The following CHORDC1 variants were observed in gnomAD, a reference collection of about 807,000 sequenced individuals.
CHORDC1 encodes cysteine and histidine rich domain containing 1.
In CHORDC1, 25 loss-of-function variants were observed where a neutral mutation model predicts 48.3. The observed-to-expected ratio is 0.52, with a 90% CI of 0.38 to 0.72. The LOEUF (loss-of-function observed/expected upper bound fraction) is 0.72. Among genes scored for constraint, CHORDC1 ranks in the 30% least tolerant of loss-of-function variants. CHORDC1 has a pLI of 0.00. For missense variants in CHORDC1, 317 were observed against 388.7 expected (o/e 0.82, Z 1.55); for synonymous variants, 128 against 126.4 (o/e 1.01, Z -0.09).
At chr11:90,204,312 C>T (rs1857612833) in intron 8 of CHORDC1, among the ~76,000 whole-genome samples, 1 of 152,022 alleles carries the variant, frequency 6.6e-6, no homozygotes, top group Non-Finnish European at 1.5e-5. Flanking sequence ...AATTTTCAAA[C>T]TTTTGGACTA....
At chr11:90,209,432 C>G (rs1397563699) in intron 6 of CHORDC1, 1 of 152,172 alleles carries the variant, frequency 6.6e-6, no homozygotes, top group Non-Finnish European at 1.5e-5. Context: ...TCGGAACCAT[C>G]TGTACTTTCT....
chr11:90,202,904 C>A, intron 9 of CHORDC1, 29 bp from the exon 10 acceptor site: 1 of 1,555,064 alleles, frequency 6.4e-7, no homozygotes, highest in Non-Finnish European at 8.7e-7. Context: ...GTTAATTGAT[C>A]TAATTCAAAC....
rs180930667 is a variant in CHORDC1, at chr11:90,202,538, T to A, written c.866A>T (p.Lys289Met). 6.2e-7 allele frequency: 1 copy of A among 1,613,370 alleles called. No individual in the cohort carries two copies. Among genetic ancestry groups the A allele is most frequent in the South Asian group, 1.1e-5 (1 of 91,026 alleles). The change falls in exon 11 of 11, where the codon AAG (lysine) becomes ATG (methionine). Residue 289 changes from lysine to methionine, a missense_variant. Coordinates refer to ENST00000320585, the MANE Select transcript of CHORDC1 (RefSeq NM_012124.3). ...TGCAGTCATAGTTACATAACTTCGC[T>A]TTACATCAATCACCTGTAACATATC... ...NVKLWGVIDV[K>M]RSYVTMTATK...
At chr11:90,211,954 C>A (rs889665098) in intron 4 of CHORDC1, 7 of 152,132 alleles carry the variant, frequency 4.6e-5, no homozygotes, top group African/African-American at 1.7e-4. Context: ...GTAGGCTATT[C>A]ATTCTATATC....
chr11:90,216,272 A>G (rs951550098), intron 2 of CHORDC1, among the ~76,000 whole-genome samples: 1 of 152,156 alleles, frequency 6.6e-6, no homozygotes, highest in Non-Finnish European at 1.5e-5. Flanking sequence ...AATACAGGCC[A>G]GCTGTTCCCA....
Position 90,200,505 on chromosome 11 carries a change from C to T in CHORDC1, c.*1900G>A, listed in dbSNP as rs1301162635. 2.6e-5 allele frequency among the ~76,000 whole-genome samples: 4 copies of T among 151,882 alleles called. No homozygotes were observed. The highest frequency in any genetic ancestry group is 2.1e-4 in the South Asian group (1 of 4,824). On this transcript the variant is annotated 3_prime_UTR_variant, in exon 11 of 11. Transcript: ENST00000320585. ...CGATAGTAAAACATATGCTACCTAA[C>T]GATAACTGTGTCCCTTTATGTATGA...
intron 4 of CHORDC1, chr11:90,213,334 C>CAAA (rs35305859): frequency 4.0e-4 from 230 of 575,154 alleles, no homozygotes; most frequent in Middle Eastern, 5.6e-4. Flanking sequence ...TACTTGCAGC[C>CAAA]AAAAAAAAAA....
Position 90,214,050 on chromosome 11 carries a change from G to A in CHORDC1, c.297C>T (p.Ala99=), listed in dbSNP as rs745938019. 1 of 1,613,124 alleles carries A rather than the reference G, an allele frequency of 6.2e-7. No individual in the cohort carries two copies. The highest frequency in any genetic ancestry group is 1.1e-5 in the South Asian group (1 of 90,980). Residue 99 remains alanine, a synonymous_variant, in exon 4 of 11, where the codon GCC becomes GCT. Transcript: ENST00000320585. The part of the protein sequence containing the change: ...KPKFQEHIIQ[A]PKPVEAIKRP... ...TTTTTATTGCTTCTACTGGCTTAGG[G>A]GCTTGAATGATGTGTTCCTGAAATT...
At position 90,222,877 on chromosome 11, in the gene CHORDC1, C is replaced by A; in HGVS notation, c.64+14G>T. 6.2e-7 allele frequency: 1 copy of A among 1,612,412 alleles called. No homozygotes were observed. The highest frequency in any genetic ancestry group is 1.7e-5 in the Admixed American group (1 of 59,962). On this transcript the variant is annotated intron_variant, in intron 1 of 10. Transcript: ENST00000320585. The stretch of plus-strand genomic sequence containing the variant: ...GGTGGAGGGGAGGGAGGGCTGGCGG[C>A]GCGTTCCTCTTACCGTCGGAATTGG...
chr11:90,200,478 A>G lies in CHORDC1; in HGVS notation c.*1927T>C, dbSNP rs1191147253. Among the ~76,000 whole-genome samples the G allele has an allele frequency of 6.6e-6, 1 of 151,950 alleles. No homozygotes were observed. The highest frequency in any genetic ancestry group is 1.5e-5 in the Non-Finnish European group (1 of 67,872). On this transcript the variant is annotated 3_prime_UTR_variant, in exon 11 of 11. Transcript: ENST00000320585. Reference sequence around the variant, plus strand: ...CACTTTTTATTAACTTTTTTGACAAACCGATAGTAAAACATATGCTACCTA... The same window carrying G: ...CACTTTTTATTAACTTTTTTGACAAGCCGATAGTAAAACATATGCTACCTA...
At chr11:90,211,595 T>A (rs1373118116) in intron 4 of CHORDC1, 1 of 276,980 alleles carries the variant, frequency 3.6e-6, no homozygotes, top group Non-Finnish European at 6.8e-6. Context: ...GAGAAAGGAA[T>A]AAAGACTAGG....
intron 4 of CHORDC1, chr11:90,212,553 G>A (rs1857900996): frequency 6.6e-6 from 1 of 151,886 alleles, no homozygotes; most frequent in Admixed American, 6.6e-5. Context: ...AGGCTGCAGT[G>A]AGCTATAATG....
intron 6 of CHORDC1, chr11:90,208,499 A>G (rs559789477): frequency 6.6e-6 from 1 of 152,336 alleles, no homozygotes; most frequent in African/African-American, 2.4e-5. Flanking sequence ...TAAAGTAGAA[A>G]TTAGTTGTGG....
rs1857831047 is a variant in CHORDC1, at chr11:90,210,556, T to C, written c.472A>G (p.Lys158Glu). 6.3e-7 allele frequency: 1 copy of C among 1,591,986 alleles called. No homozygotes were observed. Among genetic ancestry groups the C allele is most frequent in the East Asian group, 2.2e-5 (1 of 44,646 alleles). Residue 158 changes from lysine to glutamate, a missense_variant, in exon 6 of 11, where the codon AAG becomes GAG. By Grantham distance (56) the Lys-to-Glu change is moderately conservative. Transcript: ENST00000320585. Reference protein sequence around the residue: ...NDEIKIGTSCKNGGCSKTYQG... With the variant: ...NDEIKIGTSCENGGCSKTYQG... ...TATACCTTTGAACACCCTCCATTCTTACATGAGGTCCCAATCTTAATTTCA... is the reference window on the plus strand; with the variant it reads ...TATACCTTTGAACACCCTCCATTCTCACATGAGGTCCCAATCTTAATTTCA...
chr11:90,206,725 A>G (rs1438300886), intron 6 of CHORDC1: 4 of 1,208,034 alleles, frequency 3.3e-6, no homozygotes, highest in Non-Finnish European at 4.3e-6. Context: ...TTATCCCTAT[A>G]AAGGGTAAAA....
intron 10 of CHORDC1, 33 bp from the exon 11 acceptor site, chr11:90,202,584 T>C: frequency 1.2e-6 from 2 of 1,604,256 alleles, no homozygotes; most frequent in Admixed American, 3.4e-5. Context: ...ACAGGAAACC[T>C]CAGTAGTTTT....
intron 6 of CHORDC1, chr11:90,206,729 G>A (rs1770082982): frequency 8.1e-7 from 1 of 1,235,004 alleles, no homozygotes; most frequent in African/African-American, 1.6e-5. Context: ...CCCTATAAAG[G>A]GTAAAATGAG....
At chr11:90,211,179 G>T in intron 5 of CHORDC1, 36 bp downstream of exon 5, 1 of 1,390,346 alleles carries the variant, frequency 7.2e-7, no homozygotes, top group Non-Finnish European at 1.0e-6. Flanking sequence ...AACTGTACCA[G>T]AAAATAATTA....
At chr11:90,220,117 A>G (rs1565173819) in intron 1 of CHORDC1, among the ~76,000 whole-genome samples, 1 of 152,304 alleles carries the variant, frequency 6.6e-6, no homozygotes, top group South Asian at 2.1e-4. Flanking sequence ...TCTTCTTCCA[A>G]TGTGGCCCAG....
Sources: allele counts gnomAD v4.1 joint callset (sites outside exome capture counted in the v4.1 genomes callset), GRCh38; gene constraint gnomAD v4.1.1; transcripts MANE v1.5; gene names NCBI Gene and HGNC (gene_info 2026-07-23, HGNC 2026-07-21).